Variants in FRMD3 observed in about 807,000 individuals in gnomAD.
FRMD3 encodes the protein FERM domain containing 3.
FRMD3 carries 33 observed loss-of-function variants against 70.2 expected under a neutral mutation model. The observed-to-expected ratio is 0.47, with a 90% CI of 0.36 to 0.63. The LOEUF is 0.63. Among genes scored for constraint, FRMD3 ranks in the 20% least tolerant of loss-of-function variants. The pLI, the probability that FRMD3 is intolerant of heterozygous loss-of-function variation, is 0.00. For synonymous variants in FRMD3, 279 were observed against 255.9 expected (o/e 1.09, Z -0.86); for missense variants, 632 against 711.4 (o/e 0.89, Z 1.27).
chr9:83,268,727 G>A (rs1249339567), intron 13 of FRMD3, among the ~76,000 whole-genome samples: 1 of 152,210 alleles, frequency 6.6e-6, no homozygotes, highest in African/African-American at 2.4e-5. Context: ...TGCCAGCCAT[G>A]CACTGTGGCT....
intron 1 of FRMD3, among the ~76,000 whole-genome samples, chr9:83,462,811 A>G (rs1828013010): frequency 6.6e-6 from 1 of 152,280 alleles, no homozygotes; most frequent in South Asian, 2.1e-4. Flanking sequence ...TTAATATCTC[A>G]ATGAACTGTC....
intron 1 of FRMD3, among the ~76,000 whole-genome samples, chr9:83,473,204 G>A (rs1457430989): frequency 2.0e-5 from 3 of 151,928 alleles, no homozygotes; most frequent in Admixed American, 6.6e-5. Flanking sequence ...CTCTTACACC[G>A]ACATCTCAAG....
chr9:83,339,293 G>C (rs373294360), intron 5 of FRMD3, among the ~76,000 whole-genome samples: 1 of 152,088 alleles, frequency 6.6e-6, no homozygotes, highest in Non-Finnish European at 1.5e-5. Context: ...TTAAGCAGAA[G>C]GCAGGTTTTT....
chr9:83,432,517 T>C (rs1357392509), intron 1 of FRMD3, among the ~76,000 whole-genome samples: 1 of 152,180 alleles, frequency 6.6e-6, no homozygotes, highest in African/African-American at 2.4e-5. Flanking sequence ...GTTTTATGTG[T>C]GCATTTCAAT....
At chr9:83,307,467 T>C (rs944637550) in intron 10 of FRMD3, among the ~76,000 whole-genome samples, 13 of 152,244 alleles carry the variant, frequency 8.5e-5, no homozygotes, top group African/African-American at 3.1e-4. Flanking sequence ...AACAATGCAG[T>C]GTCATTCAAT....
rs553043740 is a variant in FRMD3, at chr9:83,334,528, A to G, written c.596+988T>C. Among the ~76,000 whole-genome samples the G allele has an allele frequency of 7.9e-5, 12 of 152,302 alleles. No individual in the cohort carries two copies. In the East Asian group the frequency reaches 2.3e-3, roughly 29 times the overall value. On this transcript the variant is annotated intron_variant, in intron 6 of 13. Coordinates refer to ENST00000304195, the MANE Select transcript of FRMD3 (RefSeq NM_174938.6). Reference sequence around the variant, plus strand: ...AATCCAATGATGCAATTTTCTTTATACTTACCAGAGGCCTAGAACATGGAA... The same window carrying G: ...AATCCAATGATGCAATTTTCTTTATGCTTACCAGAGGCCTAGAACATGGAA...
intron 10 of FRMD3, among the ~76,000 whole-genome samples, chr9:83,304,650 A>G (rs1303872530): frequency 1.3e-5 from 2 of 152,244 alleles, no homozygotes. Flanking sequence ...TTGGGAACAC[A>G]GTGTCATACA....
chr9:83,267,735 C>G (rs1347851042), intron 13 of FRMD3, among the ~76,000 whole-genome samples: 1 of 152,074 alleles, frequency 6.6e-6, no homozygotes, highest in Non-Finnish European at 1.5e-5. Context: ...AATAATTAAT[C>G]AACTCTTTTA....
At chr9:83,585,658 C>T in the FRMD3 span, among the ~76,000 whole-genome samples, 9 of 152,164 alleles carry the variant, frequency 5.9e-5, no homozygotes, top group African/African-American at 1.7e-4. Flanking sequence ...GAGACAGGAG[C>T]GTGAGTCTCC....
Position 83,313,716 on chromosome 9 carries a change from A to G in FRMD3, c.628T>C (p.Leu210=), listed in dbSNP as rs781564876. The part of the protein sequence containing the change: ...GQSPPVAEFN[L]LLKAHTLETY... ...TCCAAAGTGTGAGCTTTCAGGAGCAAGTTAAATTCAGCAACTGGTGGGCTC... is the reference window on the plus strand; with the variant it reads ...TCCAAAGTGTGAGCTTTCAGGAGCAGGTTAAATTCAGCAACTGGTGGGCTC... The change falls in exon 7 of 14, where the codon TTG becomes CTG. Residue 210 remains leucine, a synonymous_variant. Coordinates refer to ENST00000304195, the MANE Select transcript of FRMD3 (RefSeq NM_174938.6). The G allele has an allele frequency of 6.2e-7, 1 of 1,614,156 alleles. No homozygotes were observed. The highest frequency in any genetic ancestry group is 1.1e-5 in the South Asian group (1 of 91,080).
chr9:83,491,265 GT>G (rs1828818661), intron 1 of FRMD3, among the ~76,000 whole-genome samples: 1 of 152,104 alleles, frequency 6.6e-6, no homozygotes, highest in Non-Finnish European at 1.5e-5. Context: ...TCCACTATGG[GT>G]GTGTAAGAAG....
At chr9:83,407,861 C>CA (rs1157836290) in intron 1 of FRMD3, among the ~76,000 whole-genome samples, 1 of 129,938 alleles carries the variant, frequency 7.7e-6, no homozygotes, top group East Asian at 2.2e-4. Context: ...CTCTCTCTCT[C>CA]TCTCTCTCTC....
the FRMD3 span, among the ~76,000 whole-genome samples, chr9:83,545,102 A>C: frequency 6.6e-6 from 1 of 152,194 alleles, no homozygotes; most frequent in African/African-American, 2.4e-5. Flanking sequence ...ATGAGATCCA[A>C]GAGAAAGTTG....
At chr9:83,418,730 A>G (rs1434753630) in intron 1 of FRMD3, among the ~76,000 whole-genome samples, 1 of 152,236 alleles carries the variant, frequency 6.6e-6, no homozygotes, top group Non-Finnish European at 1.5e-5. Flanking sequence ...ACAATTCCCT[A>G]AAGAACTAAA....
At chr9:83,316,756 A>G (rs1835594876) in intron 6 of FRMD3, among the ~76,000 whole-genome samples, 1 of 152,210 alleles carries the variant, frequency 6.6e-6, no homozygotes, top group African/African-American at 2.4e-5. Flanking sequence ...TAAAGTAACA[A>G]TGGACTCAGG....
intron 1 of FRMD3, among the ~76,000 whole-genome samples, chr9:83,471,365 T>C (rs1828264048): frequency 6.6e-6 from 1 of 152,256 alleles, no homozygotes; most frequent in African/African-American, 2.4e-5. Context: ...TTCACGGCTC[T>C]GCTCCATTTT....
intron 1 of FRMD3, among the ~76,000 whole-genome samples, chr9:83,504,130 G>T (rs4877785): frequency 0.41 from 62,551 of 151,830 alleles, 13,871 homozygotes; most frequent in Middle Eastern, 0.51. Flanking sequence ...AAAGGAAGAG[G>T]GATCAGCCCT....
chr9:83,261,076 G>A (rs1350711613), intron 13 of FRMD3, among the ~76,000 whole-genome samples: 1 of 135,598 alleles, frequency 7.4e-6, no homozygotes, highest in Non-Finnish European at 1.6e-5. Context: ...CAGTGACTCA[G>A]GAAAGTATCC....
intron 9 of FRMD3, among the ~76,000 whole-genome samples, chr9:83,310,100 G>A (rs1835293604): frequency 6.6e-6 from 1 of 152,126 alleles, no homozygotes; most frequent in South Asian, 2.1e-4. Flanking sequence ...AAGACTCTCT[G>A]GACTAATAGG....
Sources: allele counts gnomAD v4.1 joint callset (sites outside exome capture counted in the v4.1 genomes callset), GRCh38; gene constraint gnomAD v4.1.1; transcripts MANE v1.5; gene names NCBI Gene and HGNC (gene_info 2026-07-23, HGNC 2026-07-21).